The following ZMYM4 variants were observed in gnomAD, a reference collection of about 807,000 sequenced individuals.
ZMYM4 encodes the protein zinc finger MYM-type containing 4, also known as zinc finger MYM-type protein 4.
Under a neutral mutation model 183.2 loss-of-function variants are expected in ZMYM4, and 31 were observed. The observed-to-expected ratio is 0.17, with a 90% CI of 0.13 to 0.23. The LOEUF (loss-of-function observed/expected upper bound fraction) is 0.23. Ranked by LOEUF, ZMYM4 falls within the 10% of genes least tolerant of loss-of-function variation. The pLI, the probability that ZMYM4 is intolerant of heterozygous loss-of-function variation, is 1.00. For missense variants in ZMYM4, 1,273 were observed against 1,840.3 expected, an observed-to-expected ratio of 0.69 and a Z score of 5.64; for synonymous variants, 592 against 631.2, an observed-to-expected ratio of 0.94 and a Z score of 0.93.
intron 2 of ZMYM4, among the ~76,000 whole-genome samples, chr1:35,355,170 A>G (rs1304084169): frequency 1.4e-5 from 2 of 144,006 alleles, no homozygotes; most frequent in Non-Finnish European, 3.0e-5. Context: ...AGTAGCTGGG[A>G]CTACAGGTGC....
At chr1:35,351,687 A>C in intron 2 of ZMYM4, 2 of 490,786 alleles carry the variant, frequency 4.1e-6, no homozygotes, top group Non-Finnish European at 3.6e-6. Flanking sequence ...AAAAACAGAA[A>C]TCAAAAAAAC....
intron 15 of ZMYM4, 88 bp downstream of exon 15, chr1:35,390,186 T>C (rs530355190): frequency 2.2e-6 from 3 of 1,370,308 alleles, no homozygotes; most frequent in South Asian, 3.5e-5. Flanking sequence ...TGTAAACAGT[T>C]GTCATTAATT....
chr1:35,308,788 G>A (rs112325999), intron 1 of ZMYM4, among the ~76,000 whole-genome samples: 11 of 152,096 alleles, frequency 7.2e-5, no homozygotes, highest in South Asian at 4.1e-4. Context: ...TTGAACGTGG[G>A]GGGTGGAGGT....
intron 1 of ZMYM4, among the ~76,000 whole-genome samples, chr1:35,279,789 T>C (rs963902049): frequency 6.6e-6 from 1 of 152,216 alleles, no homozygotes; most frequent in Non-Finnish European, 1.5e-5. Flanking sequence ...ATAGCTCACC[T>C]TTCTTCCAGT....
intron 1 of ZMYM4, among the ~76,000 whole-genome samples, chr1:35,298,198 TG>T (rs1309128683): frequency 6.6e-6 from 1 of 152,172 alleles, no homozygotes; most frequent in East Asian, 1.9e-4. Flanking sequence ...AATGCCCCCC[TG>T]GGGTGCCAAT....
chr1:35,294,109 T>C (rs1366357115), intron 1 of ZMYM4, among the ~76,000 whole-genome samples: 1 of 149,524 alleles, frequency 6.7e-6, no homozygotes, highest in African/African-American at 2.5e-5. Flanking sequence ...CACTCCAGCC[T>C]GGGTGACAGA....
chr1:35,340,973 A>G (rs1029104122), intron 2 of ZMYM4, among the ~76,000 whole-genome samples: 1 of 152,148 alleles, frequency 6.6e-6, no homozygotes, highest in Non-Finnish European at 1.5e-5. Context: ...TTGTGCCACC[A>G]TAATCTTTTT....
chr1:35,419,396 G>A, intron 29 of ZMYM4, 74 bp from the exon 30 acceptor site: 2 of 1,506,198 alleles, frequency 1.3e-6, no homozygotes, highest in Non-Finnish European at 1.8e-6. Flanking sequence ...GTTTACTTAA[G>A]AATAGTACAT....
chr1:35,330,945 A>C (rs1570367639), intron 2 of ZMYM4, among the ~76,000 whole-genome samples: 1 of 152,226 alleles, frequency 6.6e-6, no homozygotes, highest in Non-Finnish European at 1.5e-5. Context: ...TAGGTATATT[A>C]ACCATGACTG....
At chr1:35,364,601 C>G (rs528912555) in intron 5 of ZMYM4, among the ~76,000 whole-genome samples, 7 of 152,036 alleles carry the variant, frequency 4.6e-5, no homozygotes, top group Non-Finnish European at 1.0e-4. Context: ...TATTATTAGT[C>G]TCAAAAAAGT....
At chr1:35,411,006 C>T (rs1639867983) in intron 26 of ZMYM4, among the ~76,000 whole-genome samples, 1 of 151,874 alleles carries the variant, frequency 6.6e-6, no homozygotes, top group African/African-American at 2.4e-5. Context: ...ATTTTTGTAT[C>T]TGGTATGAGC....
chr1:35,295,782 C>G (rs1261734039), intron 1 of ZMYM4: 1 of 152,214 alleles, frequency 6.6e-6, no homozygotes, highest in Non-Finnish European at 1.5e-5. Context: ...AGTCAAGAGT[C>G]TGGCTGGGCC....
At chr1:35,398,722 T>C in intron 21 of ZMYM4, 142 bp from the exon 22 acceptor site, 1 of 855,194 alleles carries the variant, frequency 1.2e-6, no homozygotes, top group Non-Finnish European at 1.8e-6. Context: ...ATGAACAAGT[T>C]ACCTCATTCT....
At chr1:35,350,223 GAAAAA>G (rs34466044) in intron 2 of ZMYM4, among the ~76,000 whole-genome samples, 2 of 72,438 alleles carry the variant, frequency 2.8e-5, no homozygotes, top group Non-Finnish European at 6.0e-5. Context: ...ACTCCATCTT[GAAAAA>G]AAAAAAAAAA....
intron 26 of ZMYM4, among the ~76,000 whole-genome samples, chr1:35,411,906 G>T (rs549281283): frequency 3.1e-4 from 47 of 152,078 alleles, no homozygotes; most frequent in African/African-American, 1.1e-3. Flanking sequence ...TTTTTGAGAC[G>T]GAGTCTCACT....
At chr1:35,291,506 A>AT (rs1640759391) in intron 1 of ZMYM4, among the ~76,000 whole-genome samples, 2 of 149,936 alleles carry the variant, frequency 1.3e-5, no homozygotes, top group South Asian at 4.2e-4. Context: ...TTAGCATTTT[A>AT]TTTTTTTCTG....
At chr1:35,346,661 A>AG (rs1197768224) in intron 2 of ZMYM4, among the ~76,000 whole-genome samples, 4 of 151,008 alleles carry the variant, frequency 2.6e-5, no homozygotes, top group African/African-American at 9.7e-5. Flanking sequence ...AAAAAAAAAA[A>AG]AAAAAAAAAG....
chr1:35,363,091 G>A (rs1643981540), intron 5 of ZMYM4, among the ~76,000 whole-genome samples: 1 of 152,176 alleles, frequency 6.6e-6, no homozygotes, highest in Admixed American at 6.5e-5. Flanking sequence ...AGAATCACTT[G>A]AACCAGGAGG....
chr1:35,336,106 A>G (rs143195171), intron 2 of ZMYM4, among the ~76,000 whole-genome samples: 2 of 152,238 alleles, frequency 1.3e-5, no homozygotes, highest in East Asian at 3.9e-4. Flanking sequence ...CCCCCTCTTC[A>G]TCCCCTGGCA....
Sources: allele counts gnomAD v4.1 joint callset (sites outside exome capture counted in the v4.1 genomes callset), GRCh38; gene constraint gnomAD v4.1.1; transcripts MANE v1.5; gene names NCBI Gene and HGNC (gene_info 2026-07-23, HGNC 2026-07-21).